Variants in PTPRB observed in about 807,000 individuals in gnomAD.
PTPRB encodes protein tyrosine phosphatase receptor type B.
In PTPRB, 97 loss-of-function variants were observed where a neutral mutation model predicts 238.1. The observed-to-expected ratio is 0.41, with a 90% CI of 0.35 to 0.48. The LOEUF (loss-of-function observed/expected upper bound fraction) is 0.48, where lower values mean the gene tolerates loss of function less well. Among genes scored for constraint, PTPRB ranks in the 20% least tolerant of loss-of-function variants. The pLI is 0.30. For synonymous variants in PTPRB, 970 were observed against 995.4 expected (o/e 0.97, Z 0.48); for missense variants, 2,292 against 2,681.9 (o/e 0.85, Z 3.21).
chr12:70,552,301 T>C (rs1230617519), intron 21 of PTPRB, among the ~76,000 whole-genome samples: 1 of 151,994 alleles, frequency 6.6e-6, no homozygotes, highest in African/African-American at 2.4e-5. Context: ...CTGGCCAACA[T>C]GGTGAAACCC....
chr12:70,524,965 G>GTA (rs200080483), intron 32 of PTPRB, among the ~76,000 whole-genome samples: 2 of 136,122 alleles, frequency 1.5e-5, no homozygotes, highest in Non-Finnish European at 3.1e-5. Context: ...ATATGTATGT[G>GTA]TATATATGTG....
At chr12:70,553,336 C>T (rs1877185790) in intron 20 of PTPRB, among the ~76,000 whole-genome samples, 1 of 152,118 alleles carries the variant, frequency 6.6e-6, no homozygotes, top group African/African-American at 2.4e-5. Context: ...TTGGACAACT[C>T]CCATTGTGAG....
intron 4 of PTPRB, among the ~76,000 whole-genome samples, chr12:70,607,868 C>G (rs906827573): frequency 2.0e-5 from 3 of 152,084 alleles, no homozygotes; most frequent in Non-Finnish European, 4.4e-5. Flanking sequence ...CCACCAGATT[C>G]TTAACAAGCG....
intron 20 of PTPRB, 27 bp downstream of exon 20, chr12:70,555,133 G>A (rs754414493): frequency 5.0e-6 from 8 of 1,605,254 alleles, no homozygotes; most frequent in Non-Finnish European, 6.8e-6. Context: ...CTGTGTCTCA[G>A]AGTGGAGTTA....
chr12:70,607,821 G>A (rs549339463), intron 4 of PTPRB, among the ~76,000 whole-genome samples: 46 of 152,104 alleles, frequency 3.0e-4, no homozygotes, highest in African/African-American at 9.9e-4. Flanking sequence ...AAAGTGCTGC[G>A]ATTACAGGTG....
chr12:70,635,506 G>A (rs981329298), intron 2 of PTPRB, among the ~76,000 whole-genome samples, 165 bp downstream of exon 2: 2 of 152,134 alleles, frequency 1.3e-5, no homozygotes, highest in East Asian at 1.9e-4. Context: ...CCATCATTGG[G>A]CACGTCACCA....
chr12:70,557,836 G>A (rs1042729038), intron 18 of PTPRB, among the ~76,000 whole-genome samples: 2 of 152,264 alleles, frequency 1.3e-5, no homozygotes, highest in African/African-American at 2.4e-5. Context: ...GGTAGATGGC[G>A]AACACCAATG....
Position 70,626,354 on chromosome 12 carries a change from TCTA to T in PTPRB, c.452-3711_452-3709del, listed in dbSNP as rs1217089082. Among the ~76,000 whole-genome samples the T allele has an allele frequency of 1.9e-3, 269 of 139,054 alleles. 1 individual carries two copies. Among genetic ancestry groups the T allele is most frequent in the Non-Finnish European group, 2.5e-3 (161 of 65,528 alleles). 91.2% of individuals were successfully genotyped at this position (139,054 alleles called of 152,430 possible). ...ATCTATCTATCTATCTATCTATCTA[TCTA>T]TCTATCTATATTCCTGCCTGCCTGC... is the stretch of plus-strand genomic sequence containing the variant. On this transcript the variant is annotated intron_variant, in intron 2 of 33. Coordinates refer to ENST00000334414, the MANE Select transcript of PTPRB (RefSeq NM_001109754.4).
At chr12:70,614,910 A>G (rs994153117) in intron 3 of PTPRB, among the ~76,000 whole-genome samples, 6 of 152,194 alleles carry the variant, frequency 3.9e-5, no homozygotes, top group African/African-American at 1.4e-4. Flanking sequence ...TGACCAGCCT[A>G]TTTTGTGTTT....
chr12:70,529,084 AGG>A (rs1872805184), intron 32 of PTPRB, among the ~76,000 whole-genome samples: 1 of 152,108 alleles, frequency 6.6e-6, no homozygotes, highest in Non-Finnish European at 1.5e-5. Context: ...ACTGAGAGAA[AGG>A]GTGGTGCCTT....
chr12:70,546,542 A>G (rs2136278468), intron 21 of PTPRB, among the ~76,000 whole-genome samples: 1 of 152,334 alleles, frequency 6.6e-6, no homozygotes, highest in South Asian at 2.1e-4. Flanking sequence ...ACAATGATAG[A>G]GAAGACTTCA....
intron 21 of PTPRB, among the ~76,000 whole-genome samples, chr12:70,548,489 C>CT (rs1312475326): frequency 6.6e-6 from 1 of 152,104 alleles, no homozygotes; most frequent in African/African-American, 2.4e-5. Context: ...TGAATGGTCC[C>CT]TAAAGTTCTT....
At chr12:70,581,401 A>G in intron 9 of PTPRB, 99 bp from the exon 10 acceptor site, 1 of 1,279,168 alleles carries the variant, frequency 7.8e-7, no homozygotes, top group South Asian at 1.5e-5. Context: ...TGAAAGTACT[A>G]AAAATAATTT....
intron 10 of PTPRB, 141 bp downstream of exon 10, chr12:70,580,894 TG>T: frequency 1.1e-6 from 1 of 870,918 alleles, no homozygotes; most frequent in Non-Finnish European, 1.7e-6. Flanking sequence ...ATATACCTTC[TG>T]GATGGCTAGC....
intron 3 of PTPRB, among the ~76,000 whole-genome samples, chr12:70,621,390 A>T (rs1884924513): frequency 6.6e-6 from 1 of 152,126 alleles, no homozygotes; most frequent in African/African-American, 2.4e-5. Flanking sequence ...ATGAACTGAG[A>T]GTAAGTATTG....
At chr12:70,622,950 G>GC (rs566031720) in intron 2 of PTPRB, among the ~76,000 whole-genome samples, 43 of 86,456 alleles carry the variant, frequency 5.0e-4, no homozygotes, top group Admixed American at 3.4e-3. Context: ...TGAGAATTTA[G>GC]GGGGGGGGTC....
intron 1 of PTPRB, among the ~76,000 whole-genome samples, chr12:70,636,363 A>C (rs560553770): frequency 1.6e-4 from 25 of 152,084 alleles, no homozygotes; most frequent in African/African-American, 5.8e-4. Context: ...GGAAGCTTGG[A>C]AAGAAACAAA....
At chr12:70,603,763 T>C (rs573265095) in intron 4 of PTPRB, among the ~76,000 whole-genome samples, 1 of 152,250 alleles carries the variant, frequency 6.6e-6, no homozygotes, top group South Asian at 2.1e-4. Flanking sequence ...CTATCCCCAT[T>C]TTGTAGGTTT....
At position 70,539,833 on chromosome 12, in the gene PTPRB, G is replaced by T. The variant is rs1874769504; in HGVS notation, c.5690C>A (p.Thr1897Asn). Residue 1897 changes from threonine to asparagine, a missense_variant, in exon 25 of 34, where the codon ACT becomes AAT. Physicochemically the swap from Thr to Asn is moderately conservative, Grantham distance 65. Around this residue, in one of 4 missense-constraint regions of PTPRB, gnomAD observed 397 missense variants for 502.0 expected, o/e 0.79. Coordinates refer to ENST00000334414, the MANE Select transcript of PTPRB (RefSeq NM_001109754.4). ...LNLGQKGNRKTSCPIKINQFE... is the reference protein window; with the variant it reads ...LNLGQKGNRKNSCPIKINQFE... Reference sequence around the variant, plus strand: ...AATGTGTTCTCTCTCTTACCAAGAAGTTTTCCGGTTACTGTGAAGAGAAGC... The same window carrying T: ...AATGTGTTCTCTCTCTTACCAAGAATTTTTCCGGTTACTGTGAAGAGAAGC... The T allele has an allele frequency of 1.3e-6, 2 of 1,592,100 alleles. No homozygotes were observed. The highest frequency in any genetic ancestry group is 1.7e-6 in the Non-Finnish European group (2 of 1,159,964).
Sources: gnomAD v4.1 joint callset for allele counts (sites outside exome capture counted in the v4.1 genomes callset) on GRCh38, gnomAD v4.1.1 for gene constraint, gnomAD v4.1.1 regional missense constraint, MANE v1.5 for transcripts, NCBI Gene and HGNC (gene_info 2026-07-23, HGNC 2026-07-21) for gene names.